The following NELL1 variants were observed in gnomAD, a reference collection of about 807,000 sequenced individuals.
NELL1 encodes protein kinase C-binding protein NELL1.
NELL1 carries 76 observed loss-of-function variants against 107.4 expected under a neutral mutation model. That is an observed-to-expected ratio of 0.71 (90% CI 0.59 to 0.86). NELL1 has a LOEUF of 0.86. Ranked by LOEUF, NELL1 falls within the 40% of genes least tolerant of loss-of-function variation. NELL1 has a pLI of 0.00. For synonymous variants in NELL1, 353 were observed against 341.2 expected, an observed-to-expected ratio of 1.03 and a Z score of -0.38; for missense variants, 1,024 against 1,005.5, an observed-to-expected ratio of 1.02 and a Z score of -0.25.
At position 21,045,848 on chromosome 11, in the gene NELL1, G is replaced by A. The variant is rs532565823; in HGVS notation, c.1301-67741G>A. On this transcript the variant is annotated intron_variant, in intron 12 of 19. Transcript: ENST00000357134. The stretch of plus-strand genomic sequence containing the variant: ...AGTTTAGTCATAAATGCCTTTCCAC[G>A]TATTCAAATACTCTTGAGTCTCTAG... Among the ~76,000 whole-genome samples, 37 of 152,160 alleles carry A rather than the reference G, an allele frequency of 2.4e-4. 1 individual carries two copies. The highest frequency in any genetic ancestry group is 1.7e-3 in the East Asian group (9 of 5,170).
intron 14 of NELL1, among the ~76,000 whole-genome samples, chr11:21,291,663 T>C (rs1028733176): frequency 6.6e-6 from 1 of 152,172 alleles, no homozygotes; most frequent in African/African-American, 2.4e-5. Flanking sequence ...TGAACATCAG[T>C]GCAGAAATCC....
intron 10 of NELL1, among the ~76,000 whole-genome samples, chr11:20,946,667 A>C (rs984123785): frequency 1.2e-4 from 18 of 152,140 alleles, no homozygotes; most frequent in African/African-American, 4.3e-4. Context: ...GTTCCCTCAA[A>C]GCTGGTGTCT....
At chr11:21,429,688 G>T (rs1852919330) in intron 15 of NELL1, among the ~76,000 whole-genome samples, 1 of 152,174 alleles carries the variant, frequency 6.6e-6, no homozygotes. Context: ...ATTCTCCCTT[G>T]CCTGGCTGGA....
chr11:21,156,977 C>G, intron 13 of NELL1, among the ~76,000 whole-genome samples: 1 of 151,740 alleles, frequency 6.6e-6, no homozygotes, highest in East Asian at 1.9e-4. Flanking sequence ...TGGCAGGCAC[C>G]TGTAATCTCA....
intron 12 of NELL1, among the ~76,000 whole-genome samples, chr11:21,042,949 A>G (rs1853271408): frequency 6.6e-6 from 1 of 152,138 alleles, no homozygotes; most frequent in Non-Finnish European, 1.5e-5. Context: ...CTTTTCATAA[A>G]TTGAGGACAT....
chr11:21,049,796 G>C (rs1444035886), intron 12 of NELL1, among the ~76,000 whole-genome samples: 1 of 151,970 alleles, frequency 6.6e-6, no homozygotes. Context: ...TCCTGTCTCA[G>C]CCTCCTGAGT....
At chr11:21,494,134 G>A (rs1486859276) in intron 15 of NELL1, among the ~76,000 whole-genome samples, 1 of 151,898 alleles carries the variant, frequency 6.6e-6, no homozygotes, top group African/African-American at 2.4e-5. Flanking sequence ...TTTTTAGTAG[G>A]TAGGTCTTGG....
chr11:21,478,526 A>G (rs1854406217), intron 15 of NELL1, among the ~76,000 whole-genome samples: 1 of 152,148 alleles, frequency 6.6e-6, no homozygotes, highest in African/African-American at 2.4e-5. Flanking sequence ...AGGTAATAAA[A>G]TCAACATGGA....
intron 11 of NELL1, among the ~76,000 whole-genome samples, chr11:20,953,276 T>C (rs1851104285): frequency 6.6e-6 from 1 of 152,216 alleles, no homozygotes; most frequent in Non-Finnish European, 1.5e-5. Flanking sequence ...ATTTCAAAGG[T>C]AACCTGCCTG....
chr11:21,208,492 A>C (rs1015259017), intron 13 of NELL1, among the ~76,000 whole-genome samples: 5 of 151,700 alleles, frequency 3.3e-5, no homozygotes, highest in Non-Finnish European at 5.9e-5. Context: ...ACTTGATTGA[A>C]TTACTACTTT....
chr11:20,677,643 C>A (rs1272296651), intron 1 of NELL1, among the ~76,000 whole-genome samples: 2 of 152,064 alleles, frequency 1.3e-5, no homozygotes, highest in Non-Finnish European at 2.9e-5. Context: ...TATTACCTTT[C>A]TAACACATGG....
intron 16 of NELL1, among the ~76,000 whole-genome samples, chr11:21,543,715 C>T (rs1591022377): frequency 6.6e-6 from 1 of 151,936 alleles, no homozygotes; most frequent in African/African-American, 2.4e-5. Context: ...AGCATGTGGG[C>T]TAAATTGGAT....
chr11:21,116,761 A>G (rs948954371), intron 13 of NELL1, among the ~76,000 whole-genome samples: 7 of 151,926 alleles, frequency 4.6e-5, no homozygotes, highest in East Asian at 1.9e-4. Flanking sequence ...ACTTCTGTCT[A>G]TATCACCTAT....
At chr11:21,182,154 C>A (rs117389363) in intron 13 of NELL1, among the ~76,000 whole-genome samples, 5,824 of 151,942 alleles carry the variant, frequency 0.038, 175 homozygotes, top group Non-Finnish European at 0.058. Flanking sequence ...TGAGCTCCAG[C>A]TGGGCACGGT....
intron 14 of NELL1, among the ~76,000 whole-genome samples, chr11:21,297,744 G>T (rs1473064230): frequency 6.6e-6 from 1 of 152,004 alleles, no homozygotes; most frequent in African/African-American, 2.4e-5. Context: ...ACAATAATCA[G>T]GCAATTATAA....
chr11:21,242,782 G>A (rs1349744807), intron 14 of NELL1, among the ~76,000 whole-genome samples: 2 of 152,066 alleles, frequency 1.3e-5, no homozygotes, highest in Non-Finnish European at 2.9e-5. Flanking sequence ...TTTTATCTAA[G>A]CCTCTGATGC....
chr11:21,402,912 A>G (rs1230315677), intron 15 of NELL1, among the ~76,000 whole-genome samples: 3 of 151,636 alleles, frequency 2.0e-5, no homozygotes, highest in African/African-American at 7.3e-5. Flanking sequence ...TAATTGGGTA[A>G]CCTTGCAAAG....
At chr11:21,525,448 G>A (rs1855827242) in intron 15 of NELL1, among the ~76,000 whole-genome samples, 1 of 152,084 alleles carries the variant, frequency 6.6e-6, no homozygotes, top group Non-Finnish European at 1.5e-5. Context: ...TTTTAAAATT[G>A]CCATTTGCCT....
At position 21,436,435 on chromosome 11, in the gene NELL1, G is replaced by A. The variant is rs144040481; in HGVS notation, c.1645+65487G>A. On this transcript the variant is annotated intron_variant, in intron 15 of 19. Transcript: ENST00000357134. Reference sequence around the variant, plus strand: ...GGTTTTCTAATTTGTTGGCATATAGGTGTTCCTAATAGTCTCTAATGATCA... The same window carrying A: ...GGTTTTCTAATTTGTTGGCATATAGATGTTCCTAATAGTCTCTAATGATCA... 6.5e-3 allele frequency among the ~76,000 whole-genome samples: 996 copies of A among 152,112 alleles called. 12 individuals are homozygous for A. The highest frequency in any genetic ancestry group is 0.022 in the African/African-American group (917 of 41,504).
Sources: gnomAD v4.1 joint callset for allele counts (sites outside exome capture counted in the v4.1 genomes callset) on GRCh38, gnomAD v4.1.1 for gene constraint, MANE v1.5 for transcripts, NCBI Gene and HGNC (gene_info 2026-07-23, HGNC 2026-07-21) for gene names.